ADAMTS16: variants seen among roughly 807,000 people sequenced by gnomAD.
ADAMTS16 encodes the protein A disintegrin and metalloproteinase with thrombospondin motifs 16.
A neutral mutation model predicts 145.8 loss-of-function variants in ADAMTS16; 94 were observed. The observed-to-expected ratio is 0.64, with a 90% CI of 0.55 to 0.77. The LOEUF is 0.77. Ranked by LOEUF, ADAMTS16 falls within the 30% of genes least tolerant of loss-of-function variation. The pLI is 0.00. For synonymous variants in ADAMTS16, 659 were observed against 604.3 expected (o/e 1.09, Z -1.33); for missense variants, 1,585 against 1,591.5 (o/e 1.00, Z 0.07).
Position 5,318,223 on chromosome 5 carries a change from G to A in ADAMTS16, c.3501G>A (p.Gln1167=), listed in dbSNP as rs776981833. The A allele has an allele frequency of 1.3e-6, 2 of 1,569,906 alleles. No homozygotes were observed. The highest frequency in any genetic ancestry group is 2.7e-5 in the African/African-American group (2 of 73,666). ...GRPASGCLLH[Q]KPSASLACNT... The stretch of plus-strand genomic sequence containing the variant: ...CGGCCTCAGGCTGCCTCCTGCACCA[G>A]AAGCCTTCGGCCTCCCTGGCCTGCA... Residue 1167 remains glutamine, a synonymous_variant, in exon 22 of 23, where the codon CAG becomes CAA. Transcript: ENST00000274181.
intron 9 of ADAMTS16, 105 bp from the exon 10 acceptor site, chr5:5,208,988 C>T: frequency 1.5e-6 from 2 of 1,314,692 alleles, no homozygotes; most frequent in Non-Finnish European, 2.1e-6. Context: ...TTTGTATACA[C>T]AATATATGTT....
chr5:5,306,874 G>A (rs1010223965), intron 21 of ADAMTS16, 146 bp downstream of exon 21: 16 of 829,548 alleles, frequency 1.9e-5, no homozygotes, highest in Admixed American at 3.0e-5. Flanking sequence ...GAGCATGTGC[G>A]GGTGGCCTGG....
chr5:5,211,869 G>C (rs1290927424), intron 10 of ADAMTS16, among the ~76,000 whole-genome samples: 1 of 151,818 alleles, frequency 6.6e-6, no homozygotes, highest in African/African-American at 2.4e-5. Flanking sequence ...TAACTTATTA[G>C]TTTTGATTTC....
chr5:5,186,301 G>GGGGTGT (rs368811446), intron 5 of ADAMTS16, 50 bp downstream of exon 5: 22,371 of 985,228 alleles, frequency 0.023, 878 homozygotes, highest in African/African-American at 0.18. Context: ...CACTTCGTAG[G>GGGGTGT]GTGTGTGTGT....
chr5:5,218,601 G>A (rs1314067645), intron 10 of ADAMTS16, among the ~76,000 whole-genome samples: 1 of 152,372 alleles, frequency 6.6e-6, no homozygotes, highest in Non-Finnish European at 1.5e-5. Flanking sequence ...GAGGGCCAGT[G>A]TGACAGCTTT....
intron 17 of ADAMTS16, among the ~76,000 whole-genome samples, chr5:5,253,630 C>A (rs762891390): frequency 6.6e-6 from 1 of 152,116 alleles, no homozygotes; most frequent in Non-Finnish European, 1.5e-5. Flanking sequence ...CAATGCAACC[C>A]GCACTTCCTG....
Position 5,317,469 on chromosome 5 carries a change from A to G in ADAMTS16, c.3412-665A>G. On this transcript the variant is annotated intron_variant, in intron 21 of 22. Coordinates refer to ENST00000274181, the MANE Select transcript of ADAMTS16 (RefSeq NM_139056.4). This position sits in a 1 kb window ranked among gnomAD's most constrained non-coding sequence, Gnocchi z 4.5. ...AAGTGCTGTGGCATGATCTCAGCTC[A>G]CTGCAACCTCTGCCTCCCAGGTTCA... is the stretch of plus-strand genomic sequence containing the variant. Among the ~76,000 whole-genome samples the G allele has an allele frequency of 6.6e-6, 1 of 152,078 alleles. No individual in the cohort carries two copies. Among genetic ancestry groups the G allele is most frequent in the Non-Finnish European group, 1.5e-5 (1 of 68,018 alleles).
intron 7 of ADAMTS16, among the ~76,000 whole-genome samples, chr5:5,191,156 A>G (rs1560941776): frequency 6.6e-6 from 1 of 152,156 alleles, no homozygotes; most frequent in African/African-American, 2.4e-5. Flanking sequence ...ACTTCTGCCC[A>G]TGTGTTTTCC....
Position 5,242,461 on chromosome 5 carries a change from G to C in ADAMTS16, c.2662+270G>C, listed in dbSNP as rs61585346. Among the ~76,000 whole-genome samples, 712 of 152,268 alleles carry C rather than the reference G, an allele frequency of 4.7e-3. 6 individuals carry two copies. Among genetic ancestry groups the C allele is most frequent in the African/African-American group, 0.016 (661 of 41,556 alleles). On this transcript the variant is annotated intron_variant, in intron 17 of 22. Transcript: ENST00000274181. ...CCATCTAATTTAAGGTTTTTTAGAG[G>C]ATGATTTTGTTAATTGAGATGAGTC...
intron 18 of ADAMTS16, among the ~76,000 whole-genome samples, chr5:5,291,388 G>A (rs1739310779): frequency 6.6e-6 from 1 of 152,132 alleles, no homozygotes; most frequent in Non-Finnish European, 1.5e-5. Context: ...GGGTTGAGGA[G>A]GAGAAGAGGC....
intron 18 of ADAMTS16, among the ~76,000 whole-genome samples, chr5:5,272,090 A>AT (rs1263772974): frequency 6.6e-6 from 1 of 152,158 alleles, no homozygotes; most frequent in African/African-American, 2.4e-5. Flanking sequence ...GGCCGTGAAA[A>AT]TACTAATCAC....
chr5:5,272,943 G>A (rs1039965482), intron 18 of ADAMTS16, among the ~76,000 whole-genome samples: 2 of 152,220 alleles, frequency 1.3e-5, no homozygotes, highest in South Asian at 2.1e-4. Flanking sequence ...TCTGGAATGA[G>A]AGCCAGTTTT....
At chr5:5,199,324 G>C (rs1440367116) in intron 8 of ADAMTS16, among the ~76,000 whole-genome samples, 2 of 152,306 alleles carry the variant, frequency 1.3e-5, no homozygotes, top group Admixed American at 1.3e-4. Flanking sequence ...CCCCCATTAA[G>C]GGTTCCTATA....
At chr5:5,306,132 C>G (rs59755226) in intron 20 of ADAMTS16, among the ~76,000 whole-genome samples, 56,234 of 152,112 alleles carry the variant, frequency 0.37, 10,661 homozygotes, top group Middle Eastern at 0.49. Flanking sequence ...ACTGCATTTG[C>G]GTGGGTTAAT....
At chr5:5,287,953 GA>G (rs1294550963) in intron 18 of ADAMTS16, among the ~76,000 whole-genome samples, 1 of 151,918 alleles carries the variant, frequency 6.6e-6, no homozygotes, top group Non-Finnish European at 1.5e-5. Context: ...AGGACACCTG[GA>G]AAAAAATCTC....
chr5:5,316,157 T>C (rs1579423775), intron 21 of ADAMTS16, among the ~76,000 whole-genome samples: 1 of 152,204 alleles, frequency 6.6e-6, no homozygotes, highest in Non-Finnish European at 1.5e-5. Context: ...TGCAGGCTGG[T>C]TTGGGCTGTG....
chr5:5,190,671 A>T (rs1735640650), intron 7 of ADAMTS16, among the ~76,000 whole-genome samples: 1 of 151,984 alleles, frequency 6.6e-6, no homozygotes, highest in African/African-American at 2.4e-5. Context: ...ATGTCTTCTA[A>T]CTCTCCGTTT....
At chr5:5,214,819 A>G (rs755620608) in intron 10 of ADAMTS16, among the ~76,000 whole-genome samples, 2 of 152,240 alleles carry the variant, frequency 1.3e-5, no homozygotes, top group African/African-American at 4.8e-5. Context: ...TTCTATGTGA[A>G]TTGAAACATC....
chr5:5,258,448 C>T (rs1737873542), intron 17 of ADAMTS16, among the ~76,000 whole-genome samples: 2 of 152,364 alleles, frequency 1.3e-5, no homozygotes, highest in Admixed American at 1.3e-4. Flanking sequence ...AGCCACGGAC[C>T]TGCTGCAGCT....
Sources: allele counts gnomAD v4.1 joint callset (sites outside exome capture counted in the v4.1 genomes callset), GRCh38; gene constraint gnomAD v4.1.1; non-coding constraint Gnocchi (gnomAD v3.1); transcripts MANE v1.5; gene names NCBI Gene and HGNC (gene_info 2026-07-23, HGNC 2026-07-21).